The following PCDH9 variants were observed in gnomAD, a reference collection of about 807,000 sequenced individuals.
The protein encoded by PCDH9 is protocadherin-9.
Under a neutral mutation model 70.6 loss-of-function variants are expected in PCDH9, and 24 were observed. The observed-to-expected ratio is 0.34, with a 90% confidence interval of 0.25 to 0.48. PCDH9 has a LOEUF of 0.48. Among genes scored for constraint, PCDH9 ranks in the 20% least tolerant of loss-of-function variants. PCDH9 has a pLI of 0.99. For synonymous variants in PCDH9, 562 were observed against 558.5 expected (o/e 1.01, Z -0.09); for missense variants, 1,281 against 1,503.6 (o/e 0.85, Z 2.45).
intron 4 of PCDH9, among the ~76,000 whole-genome samples, chr13:66,381,340 A>G (rs1251562219): frequency 6.6e-6 from 1 of 152,222 alleles, no homozygotes; most frequent in Non-Finnish European, 1.5e-5. Flanking sequence ...CTCATTTTAT[A>G]GTGACATAAT....
At chr13:67,205,769 CCAATTA>C (rs950882298) in intron 2 of PCDH9, 2 of 152,102 alleles carry the variant, frequency 1.3e-5, no homozygotes, top group Non-Finnish European at 2.9e-5. Context: ...AAATGGACCT[CCAATTA>C]CAACTGTAAA....
At chr13:66,417,187 C>A (rs1165814051) in intron 4 of PCDH9, among the ~76,000 whole-genome samples, 3 of 152,110 alleles carry the variant, frequency 2.0e-5, no homozygotes, top group East Asian at 1.9e-4. Flanking sequence ...TACCCACTAC[C>A]CATCAACAGG....
At chr13:66,908,845 G>A (rs865928475) in intron 2 of PCDH9, among the ~76,000 whole-genome samples, 11 of 152,052 alleles carry the variant, frequency 7.2e-5, no homozygotes, top group East Asian at 3.9e-4. Context: ...GTGTTCAGGT[G>A]CAGTGACACA....
At chr13:66,567,799 A>C (rs1473053610) in intron 4 of PCDH9, among the ~76,000 whole-genome samples, 3 of 152,200 alleles carry the variant, frequency 2.0e-5, no homozygotes, top group Non-Finnish European at 4.4e-5. Flanking sequence ...GCAAGGAATA[A>C]ATAATTTTCT....
intron 4 of PCDH9, among the ~76,000 whole-genome samples, chr13:66,326,482 G>A (rs1363491619): frequency 7.9e-5 from 12 of 151,040 alleles, no homozygotes; most frequent in Admixed American, 6.6e-5. Flanking sequence ...GCAGTGGCGC[G>A]ATCTCGGCTC....
chr13:66,634,495 C>T (rs1449928743), intron 3 of PCDH9, among the ~76,000 whole-genome samples: 1 of 152,066 alleles, frequency 6.6e-6, no homozygotes, highest in East Asian at 1.9e-4. Context: ...GGTTGAACTG[C>T]AGAGCACCAA....
intron 4 of PCDH9, among the ~76,000 whole-genome samples, chr13:66,630,214 C>T (rs1485662396): frequency 6.6e-6 from 1 of 151,886 alleles, no homozygotes; most frequent in Non-Finnish European, 1.5e-5. Context: ...TTATTATTTA[C>T]TTCTTAGAGC....
chr13:66,773,371 G>GT (rs1566184391), intron 3 of PCDH9, among the ~76,000 whole-genome samples: 1 of 152,154 alleles, frequency 6.6e-6, no homozygotes, highest in African/African-American at 2.4e-5. Context: ...GCTCACGCCT[G>GT]TAATCCCAGT....
rs181630630 is a variant in PCDH9, at chr13:66,770,051, G to A, written c.3138+133453C>T. ...GAGGGAGGTATGGAAGTGGAAAATT[G>A]AGAGTCACTTTATTTACACTGGGAA... On this transcript the variant is annotated intron_variant, in intron 3 of 4. Coordinates refer to ENST00000377865, the MANE Select transcript of PCDH9 (RefSeq NM_203487.3). 1.3e-4 allele frequency among the ~76,000 whole-genome samples: 20 copies of A among 152,250 alleles called. No individual in the cohort carries two copies. In the East Asian group the frequency reaches 3.1e-3, roughly 23 times the overall value.
intron 2 of PCDH9, among the ~76,000 whole-genome samples, chr13:67,153,937 GAC>G (rs2087729903): frequency 6.6e-6 from 1 of 152,144 alleles, no homozygotes; most frequent in East Asian, 1.9e-4. Flanking sequence ...GAATTAAAAA[GAC>G]ACAAAATGAA....
intron 2 of PCDH9, among the ~76,000 whole-genome samples, chr13:66,971,506 A>G: frequency 6.6e-6 from 1 of 152,078 alleles, no homozygotes; most frequent in Admixed American, 6.6e-5. Flanking sequence ...TTTGAAAAGG[A>G]ACCACAATAT....
At chr13:66,351,360 G>T (rs958874280) in intron 4 of PCDH9, among the ~76,000 whole-genome samples, 1 of 152,050 alleles carries the variant, frequency 6.6e-6, no homozygotes, top group African/African-American at 2.4e-5. Context: ...TCCTACTGAT[G>T]ACAATACCAA....
At chr13:66,398,134 G>A (rs1425484365) in intron 4 of PCDH9, among the ~76,000 whole-genome samples, 1 of 152,062 alleles carries the variant, frequency 6.6e-6, no homozygotes, top group Non-Finnish European at 1.5e-5. Context: ...GTTAGGACTG[G>A]AAGAAGTGAG....
chr13:67,084,895 A>T (rs1263722158), intron 2 of PCDH9, among the ~76,000 whole-genome samples: 5 of 133,426 alleles, frequency 3.7e-5, no homozygotes, highest in Non-Finnish European at 7.9e-5. Flanking sequence ...TAAACCCGGA[A>T]GGTGGAGGTT....
intron 4 of PCDH9, among the ~76,000 whole-genome samples, chr13:66,524,816 A>G (rs968123762): frequency 6.6e-6 from 1 of 152,150 alleles, no homozygotes; most frequent in African/African-American, 2.4e-5. Flanking sequence ...CAAAAAGTAG[A>G]GACATTTCAT....
At chr13:66,324,346 G>A (rs1056452026) in intron 4 of PCDH9, among the ~76,000 whole-genome samples, 2 of 152,026 alleles carry the variant, frequency 1.3e-5, no homozygotes, top group African/African-American at 4.8e-5. Context: ...TTTTTGAACT[G>A]TCCAAGAGAA....
At position 66,602,822 on chromosome 13, in the gene PCDH9, T is replaced by C. The variant is rs1315103347; in HGVS notation, c.3340+28388A>G. 2.1e-5 allele frequency among the ~76,000 whole-genome samples: 3 copies of C among 145,986 alleles called. No individual in the cohort carries two copies. The Admixed American group carries it at 2.1e-4, about 10-fold the overall frequency. On this transcript the variant is annotated intron_variant, in intron 4 of 4. Transcript: ENST00000377865. ...CAATTTAAATTCATGGTGAATGACC[T>C]ATATAAGTATACCATCTTTGATCTT...
intron 2 of PCDH9, among the ~76,000 whole-genome samples, chr13:67,008,695 C>A (rs1409971205): frequency 6.6e-6 from 1 of 152,096 alleles, no homozygotes; most frequent in Non-Finnish European, 1.5e-5. Flanking sequence ...CTTAAATAAA[C>A]CCTCTCCTTC....
In PCDH9 at chr13:66,932,681, T is replaced by TATACACAC. The variant is rs1313632174; in HGVS notation, c.3037-29077_3037-29076insGTGTGTAT. On this transcript the variant is annotated intron_variant, in intron 2 of 4. Coordinates refer to ENST00000377865, the MANE Select transcript of PCDH9 (RefSeq NM_203487.3). ...TCACATATATATATATATATATATA[T>TATACACAC]ACACACACACACACGTATGTATATA... Among the ~76,000 whole-genome samples, 444 of 114,838 alleles carry TATACACAC rather than the reference T, an allele frequency of 3.9e-3. 6 individuals carry two copies. The highest frequency in any genetic ancestry group is 0.015 in the African/African-American group (435 of 29,254). 75.3% of individuals were successfully genotyped at this position (114,838 alleles called of 152,430 possible). A position where few individuals can be genotyped will look rare whatever the true frequency, so the allele number is the denominator to read the frequency against.
Sources: gnomAD v4.1 joint callset for allele counts (sites outside exome capture counted in the v4.1 genomes callset) on GRCh38, gnomAD v4.1.1 for gene constraint, MANE v1.5 for transcripts, NCBI Gene and HGNC (gene_info 2026-07-23, HGNC 2026-07-21) for gene names.